Variants in ZFPM2 observed in about 807,000 individuals in gnomAD.
ZFPM2 encodes the protein zinc finger protein, FOG family member 2.
In ZFPM2, 20 loss-of-function variants were observed where a neutral mutation model predicts 98.6. The ratio of observed to expected loss-of-function variants is 0.20; its 90% CI spans 0.14 to 0.29. The LOEUF is 0.29. Ranked by LOEUF, ZFPM2 falls within the 10% of genes least tolerant of loss-of-function variation. ZFPM2 has a pLI of 1.00. For synonymous variants in ZFPM2, 518 were observed against 502.7 expected (o/e 1.03, Z -0.41); for missense variants, 1,310 against 1,388.6 (o/e 0.94, Z 0.90).
intron 4 of ZFPM2, among the ~76,000 whole-genome samples, chr8:105,581,160 G>C (rs903776507): frequency 6.6e-6 from 1 of 151,800 alleles, no homozygotes; most frequent in Non-Finnish European, 1.5e-5. Context: ...TCTACTAGAT[G>C]CCATTTTATC....
intron 5 of ZFPM2, among the ~76,000 whole-genome samples, chr8:105,779,123 T>C (rs1354228930): frequency 1.3e-5 from 2 of 152,156 alleles, no homozygotes; most frequent in African/African-American, 4.8e-5. Flanking sequence ...CTATTTCCTT[T>C]TGTATTGTTA....
chr8:105,779,564 A>G (rs1399844702), intron 5 of ZFPM2, among the ~76,000 whole-genome samples: 1 of 152,228 alleles, frequency 6.6e-6, no homozygotes, highest in African/African-American at 2.4e-5. Flanking sequence ...CATTTTGCTT[A>G]TACAGAACTC....
intron 3 of ZFPM2, among the ~76,000 whole-genome samples, chr8:105,498,896 A>G (rs914011743): frequency 4.6e-5 from 7 of 152,200 alleles, no homozygotes; most frequent in Non-Finnish European, 1.0e-4. Flanking sequence ...TATCTGTCTC[A>G]TGGGAGCTGC....
chr8:105,421,109 A>G (rs1352723557), intron 2 of ZFPM2, among the ~76,000 whole-genome samples: 1 of 152,178 alleles, frequency 6.6e-6, no homozygotes, highest in East Asian at 1.9e-4. Flanking sequence ...GGATGTAACT[A>G]TGGTCTTAGG....
intron 3 of ZFPM2, among the ~76,000 whole-genome samples, chr8:105,522,986 A>T (rs575039317): frequency 6.6e-6 from 1 of 152,262 alleles, no homozygotes; most frequent in Non-Finnish European, 1.5e-5. Context: ...ATGAGTGGAA[A>T]TATAGCCTAA....
chr8:105,335,157 A>G (rs1180988728), intron 1 of ZFPM2, among the ~76,000 whole-genome samples: 2 of 151,816 alleles, frequency 1.3e-5, no homozygotes, highest in Non-Finnish European at 2.9e-5. Flanking sequence ...GAGGGAAATT[A>G]TAATCCGAAA....
At chr8:105,699,096 A>G (rs942054455) in intron 5 of ZFPM2, among the ~76,000 whole-genome samples, 1 of 152,168 alleles carries the variant, frequency 6.6e-6, no homozygotes, top group African/African-American at 2.4e-5. Context: ...TATTAAATCT[A>G]TTTGAACTTA....
intron 3 of ZFPM2, among the ~76,000 whole-genome samples, chr8:105,536,075 A>G (rs1201626888): frequency 2.0e-5 from 3 of 152,320 alleles, no homozygotes; most frequent in Non-Finnish European, 4.4e-5. Context: ...ACAAAGATGC[A>G]GTTTGAAATC....
chr8:105,711,017 G>T (rs1412187957), intron 5 of ZFPM2, among the ~76,000 whole-genome samples: 1 of 151,644 alleles, frequency 6.6e-6, no homozygotes, highest in Non-Finnish European at 1.5e-5. Flanking sequence ...TGTAATTTTT[G>T]ATTCTCCCCT....
intron 2 of ZFPM2, among the ~76,000 whole-genome samples, chr8:105,424,342 C>A (rs923688268): frequency 3.9e-5 from 6 of 152,058 alleles, no homozygotes; most frequent in African/African-American, 9.7e-5. Flanking sequence ...TATGCCTCTT[C>A]CTTGCATCTA....
chr8:105,752,440 A>C (rs1349464636), intron 5 of ZFPM2, among the ~76,000 whole-genome samples: 1 of 152,188 alleles, frequency 6.6e-6, no homozygotes, highest in Admixed American at 6.5e-5. Context: ...GTTGCAAAGC[A>C]GGTGCCCTGC....
At chr8:105,338,293 A>T (rs1157646587) in intron 1 of ZFPM2, among the ~76,000 whole-genome samples, 1 of 151,768 alleles carries the variant, frequency 6.6e-6, no homozygotes, top group Non-Finnish European at 1.5e-5. Flanking sequence ...TATATATTAA[A>T]TTCTTTTTAT....
At chr8:105,623,941 C>T (rs1816604410) in intron 4 of ZFPM2, among the ~76,000 whole-genome samples, 1 of 152,068 alleles carries the variant, frequency 6.6e-6, no homozygotes, top group African/African-American at 2.4e-5. Context: ...AGTAAAGCTT[C>T]CTTAAGTAAG....
At chr8:105,469,414 G>A (rs541287001) in intron 3 of ZFPM2, among the ~76,000 whole-genome samples, 271 of 151,620 alleles carry the variant, frequency 1.8e-3, no homozygotes, top group African/African-American at 6.4e-3. Flanking sequence ...TTATGACTGC[G>A]TCTTCCATTT....
At chr8:105,650,051 A>G (rs1332631319) in intron 5 of ZFPM2, among the ~76,000 whole-genome samples, 2 of 152,096 alleles carry the variant, frequency 1.3e-5, no homozygotes, top group Non-Finnish European at 2.9e-5. Context: ...TATTGCCTCA[A>G]TTTCAGAGCC....
intron 5 of ZFPM2, among the ~76,000 whole-genome samples, chr8:105,758,263 T>A (rs1444527183): frequency 6.6e-6 from 1 of 152,058 alleles, no homozygotes; most frequent in African/African-American, 2.4e-5. Flanking sequence ...AATTATGGGA[T>A]CAATGAAGGA....
At chr8:105,344,130 C>T (rs975671692) in intron 1 of ZFPM2, among the ~76,000 whole-genome samples, 2 of 152,092 alleles carry the variant, frequency 1.3e-5, no homozygotes, top group South Asian at 2.1e-4. Context: ...AAAGACCCGC[C>T]CCCATGATCC....
intron 5 of ZFPM2, among the ~76,000 whole-genome samples, chr8:105,677,406 C>T (rs1200221664): frequency 6.6e-6 from 1 of 152,012 alleles, no homozygotes; most frequent in Non-Finnish European, 1.5e-5. Context: ...TAAACTCACA[C>T]ATGCCACCTC....
intron 4 of ZFPM2, among the ~76,000 whole-genome samples, chr8:105,630,574 T>G (rs1477137299): frequency 6.6e-6 from 1 of 152,208 alleles, no homozygotes; most frequent in Non-Finnish European, 1.5e-5. Flanking sequence ...AATTTTTTAA[T>G]AAATCCAATT....
Sources: allele counts gnomAD v4.1 joint callset (sites outside exome capture counted in the v4.1 genomes callset), GRCh38; gene constraint gnomAD v4.1.1; transcripts MANE v1.5; gene names NCBI Gene and HGNC (gene_info 2026-07-23, HGNC 2026-07-21).